Variants in ULK4 observed in about 807,000 individuals in gnomAD.
ULK4 encodes inactive serine/threonine-protein kinase ULK4.
ULK4 carries 133 observed loss-of-function variants against 160.6 expected under a neutral mutation model. That is an observed-to-expected ratio of 0.83 (90% CI 0.72 to 0.96). The LOEUF (loss-of-function observed/expected upper bound fraction) is 0.96, where lower values mean the gene tolerates loss of function less well. Among genes scored for constraint, ULK4 ranks in the 40% least tolerant of loss-of-function variants. The probability of loss-of-function intolerance (pLI) is 0.00; values close to 1 mark genes in which losing one functional copy is unlikely to be tolerated. For missense variants in ULK4, 1,580 were observed against 1,499.5 expected, an observed-to-expected ratio of 1.05 and a Z score of -0.89; for synonymous variants, 534 against 539.8, an observed-to-expected ratio of 0.99 and a Z score of 0.15.
At chr3:41,542,759 G>A (rs1041724975) in intron 32 of ULK4, among the ~76,000 whole-genome samples, 6 of 152,040 alleles carry the variant, frequency 3.9e-5, no homozygotes, top group African/African-American at 1.4e-4. Context: ...GAGGTTGTAT[G>A]TTTCCTGGAA....
intron 32 of ULK4, among the ~76,000 whole-genome samples, chr3:41,471,504 C>T (rs534870016): frequency 1.2e-4 from 19 of 152,284 alleles, no homozygotes; most frequent in African/African-American, 4.3e-4. Flanking sequence ...AACTAACAGA[C>T]ATATGCAGAA....
At chr3:41,684,784 T>A (rs2036045116) in intron 27 of ULK4, among the ~76,000 whole-genome samples, 1 of 152,346 alleles carries the variant, frequency 6.6e-6, no homozygotes, top group Middle Eastern at 3.4e-3. Flanking sequence ...TTAAAGGGCT[T>A]TTGGATTGAG....
Position 41,705,309 on chromosome 3 carries a change from A to T in ULK4, c.2635-4T>A. 1 of 1,596,410 alleles carries T rather than the reference A, an allele frequency of 6.3e-7. No homozygotes were observed. On this transcript the variant is annotated splice_region_variant and splice_polypyrimidine_tract_variant and intron_variant, in intron 25 of 36. Transcript: ENST00000301831. ...AGTCTACAGATTTAATATGACTCTG[A>T]AAAAAAATAAATTTTTAATAAATAG...
intron 17 of ULK4, among the ~76,000 whole-genome samples, chr3:41,880,389 T>C (rs983655152): frequency 6.6e-6 from 1 of 152,214 alleles, no homozygotes; most frequent in Non-Finnish European, 1.5e-5. Context: ...TTATTTTCTG[T>C]AGCTGTTGAT....
At chr3:41,290,925 GA>G (rs1179686662) in intron 35 of ULK4, among the ~76,000 whole-genome samples, 2 of 152,214 alleles carry the variant, frequency 1.3e-5, no homozygotes, top group Non-Finnish European at 2.9e-5. Context: ...CAGACAAAGA[GA>G]AGCTGTTATT....
intron 34 of ULK4, among the ~76,000 whole-genome samples, chr3:41,403,146 C>T (rs2371493): frequency 0.37 from 53,627 of 145,280 alleles, 10,299 homozygotes; most frequent in African/African-American, 0.51. Context: ...GTGAAAACTC[C>T]GTCTCAAAAA....
chr3:41,821,938 T>C (rs2041159868), intron 18 of ULK4, among the ~76,000 whole-genome samples: 1 of 152,168 alleles, frequency 6.6e-6, no homozygotes, highest in African/African-American at 2.4e-5. Context: ...TTAAACTACA[T>C]TCAGCCCTAC....
chr3:41,775,160 A>G (rs2039559812), intron 21 of ULK4, among the ~76,000 whole-genome samples: 1 of 150,196 alleles, frequency 6.7e-6, no homozygotes, highest in Non-Finnish European at 1.5e-5. Context: ...AACATGGCAC[A>G]TGTATACATA....
chr3:41,947,286 G>A (rs1229829572), intron 2 of ULK4, among the ~76,000 whole-genome samples: 5 of 152,178 alleles, frequency 3.3e-5, no homozygotes, highest in South Asian at 2.1e-4. Flanking sequence ...ACTCCAGCCC[G>A]GGCGACAGAG....
chr3:41,590,157 C>T (rs2031174780), intron 31 of ULK4, among the ~76,000 whole-genome samples: 1 of 151,818 alleles, frequency 6.6e-6, no homozygotes, highest in Non-Finnish European at 1.5e-5. Flanking sequence ...CGCCTGCCAC[C>T]ACGCCCAGCT....
intron 22 of ULK4, among the ~76,000 whole-genome samples, chr3:41,738,600 G>A (rs2038133977): frequency 6.6e-6 from 1 of 151,876 alleles, no homozygotes; most frequent in Non-Finnish European, 1.5e-5. Flanking sequence ...ATACATGAGA[G>A]AGCAATAAAC....
At chr3:41,424,607 C>T (rs1226496210) in intron 34 of ULK4, among the ~76,000 whole-genome samples, 1 of 152,136 alleles carries the variant, frequency 6.6e-6, no homozygotes. Flanking sequence ...CCACTGGTGA[C>T]ACCTCCAGGT....
At chr3:41,479,933 C>T (rs1188885458) in intron 32 of ULK4, among the ~76,000 whole-genome samples, 1 of 152,058 alleles carries the variant, frequency 6.6e-6, no homozygotes, top group African/African-American at 2.4e-5. Flanking sequence ...ACAGACCAGG[C>T]ATGGTGGCTC....
chr3:41,485,719 G>A (rs2084502873), intron 32 of ULK4, among the ~76,000 whole-genome samples: 1 of 152,062 alleles, frequency 6.6e-6, no homozygotes, highest in African/African-American at 2.4e-5. Context: ...CAATCAGCAG[G>A]GAGCGCATTT....
intron 21 of ULK4, among the ~76,000 whole-genome samples, chr3:41,772,168 C>T (rs2039409793): frequency 6.6e-6 from 1 of 152,066 alleles, no homozygotes; most frequent in African/African-American, 2.4e-5. Flanking sequence ...ACTAGAGAAG[C>T]AAGAGCAAAC....
chr3:41,810,172 C>G (rs1237268322), intron 19 of ULK4, among the ~76,000 whole-genome samples: 1 of 152,102 alleles, frequency 6.6e-6, no homozygotes. Context: ...AGAGAAATGG[C>G]TTTTCATCCC....
intron 18 of ULK4, among the ~76,000 whole-genome samples, chr3:41,828,764 A>C (rs2041461301): frequency 6.6e-6 from 1 of 152,088 alleles, no homozygotes; most frequent in Non-Finnish European, 1.5e-5. Context: ...CAAGCTACCA[A>C]TGACTTTCTT....
intron 17 of ULK4, among the ~76,000 whole-genome samples, chr3:41,864,410 A>T (rs1202296699): frequency 1.3e-5 from 2 of 152,070 alleles, no homozygotes; most frequent in African/African-American, 4.8e-5. Context: ...TCTTTCAGCG[A>T]TATGAGATTA....
intron 35 of ULK4, among the ~76,000 whole-genome samples, chr3:41,380,412 G>T (rs934936141): frequency 1.3e-5 from 2 of 152,106 alleles, no homozygotes; most frequent in African/African-American, 4.8e-5. Flanking sequence ...AAAGCCCCAA[G>T]TGATGGAGAA....
Sources: gnomAD v4.1 joint callset for allele counts (sites outside exome capture counted in the v4.1 genomes callset) on GRCh38, gnomAD v4.1.1 for gene constraint, MANE v1.5 for transcripts, NCBI Gene and HGNC (gene_info 2026-07-23, HGNC 2026-07-21) for gene names.